CYFIP1: variants seen among roughly 807,000 people sequenced by gnomAD.
CYFIP1 encodes cytoplasmic FMR1-interacting protein 1.
In CYFIP1, 58 loss-of-function variants were observed where a neutral mutation model predicts 163.5. The observed-to-expected ratio is 0.35, with a 90% CI of 0.29 to 0.44. The LOEUF (loss-of-function observed/expected upper bound fraction) is 0.44. CYFIP1 is among the 20% of genes least tolerant of loss of function. The probability of loss-of-function intolerance (pLI) is 1.00; values close to 1 mark genes in which losing one functional copy is unlikely to be tolerated. For synonymous variants in CYFIP1, 663 were observed against 660.7 expected (o/e 1.00, Z -0.05); for missense variants, 1,338 against 1,653.8 (o/e 0.81, Z 3.31).
intron 1 of CYFIP1, among the ~76,000 whole-genome samples, chr15:22,964,012 G>A (rs1159203454): frequency 1.3e-5 from 2 of 151,716 alleles, no homozygotes; most frequent in African/African-American, 4.8e-5. Flanking sequence ...CAGAAACTAT[G>A]GATTCACATG....
intron 1 of CYFIP1, among the ~76,000 whole-genome samples, chr15:22,961,997 G>A (rs2062697275): frequency 6.6e-6 from 1 of 152,160 alleles, no homozygotes; most frequent in Non-Finnish European, 1.5e-5. Context: ...CCCAGGGAAG[G>A]AAGCAGTTTC....
chr15:22,975,985 T>C (rs1486288082), intron 1 of CYFIP1, among the ~76,000 whole-genome samples: 1 of 152,188 alleles, frequency 6.6e-6, no homozygotes, highest in Non-Finnish European at 1.5e-5. Context: ...AGAGAACTGA[T>C]GTCTTTACTA....
chr15:22,878,372 A>T (rs2059644680), intron 26 of CYFIP1, among the ~76,000 whole-genome samples: 1 of 152,172 alleles, frequency 6.6e-6, no homozygotes, highest in Non-Finnish European at 1.5e-5. Context: ...GCAGAAAGCC[A>T]GGAGACAGGC....
At chr15:22,906,832 G>A (rs980414957) in intron 21 of CYFIP1, among the ~76,000 whole-genome samples, 3 of 152,116 alleles carry the variant, frequency 2.0e-5, no homozygotes, top group Non-Finnish European at 2.9e-5. Context: ...TCCATGGTCC[G>A]TGGGTGTCTG....
intron 1 of CYFIP1, among the ~76,000 whole-genome samples, chr15:22,979,744 A>C (rs774521092): frequency 2.0e-5 from 3 of 152,178 alleles, no homozygotes; most frequent in Non-Finnish European, 4.4e-5. Context: ...AACAAAGCCC[A>C]AAACTCCTCT....
chr15:22,916,453 A>G, intron 16 of CYFIP1, 24 bp downstream of exon 16: 1 of 1,552,440 alleles, frequency 6.4e-7, no homozygotes, highest in South Asian at 1.1e-5. Context: ...GCCAGGCCGG[A>G]TGCTGCTCAG....
At chr15:22,967,147 G>A (rs2062939155) in intron 1 of CYFIP1, among the ~76,000 whole-genome samples, 1 of 152,162 alleles carries the variant, frequency 6.6e-6, no homozygotes, top group Non-Finnish European at 1.5e-5. Flanking sequence ...CATCGGTTGG[G>A]ACACGGGACA....
At position 22,951,421 on chromosome 15, in the gene CYFIP1, G is replaced by C. The variant is rs765981090; in HGVS notation, c.-6-4130C>G. The stretch of plus-strand genomic sequence containing the variant: ...GGGTCCAGCCCCAGCGCTGCCTGCA[G>C]AGCCAGCATGGGGGGCCTGCCCTTG... On this transcript the variant is annotated intron_variant, in intron 1 of 30. Transcript: ENST00000617928. 15 of 1,289,318 alleles carry C rather than the reference G, an allele frequency of 1.2e-5. No individual in the cohort carries two copies. The South Asian group carries it at 1.4e-4, about 12-fold the overall frequency. 79.9% of individuals were successfully genotyped at this position (1,289,318 alleles called of 1,614,324 possible).
At chr15:22,891,946 G>A (rs1376081338) in intron 23 of CYFIP1, among the ~76,000 whole-genome samples, 1 of 152,230 alleles carries the variant, frequency 6.6e-6, no homozygotes, top group Non-Finnish European at 1.5e-5. Flanking sequence ...CCAGGCATTG[G>A]GCAGATGGGG....
intron 15 of CYFIP1, chr15:22,916,957 T>C (rs1396229416): frequency 5.2e-6 from 8 of 1,551,596 alleles, no homozygotes; most frequent in Admixed American, 3.9e-5. Flanking sequence ...AGCCTCTCCA[T>C]GCCCAGAGAC....
intron 22 of CYFIP1, among the ~76,000 whole-genome samples, chr15:22,901,695 G>C (rs1019062875): frequency 6.6e-6 from 1 of 152,246 alleles, no homozygotes; most frequent in African/African-American, 2.4e-5. Flanking sequence ...AGTTAGGCCA[G>C]GCAACGAGCA....
At chr15:22,980,077 G>A (rs2063425981) in intron 1 of CYFIP1, among the ~76,000 whole-genome samples, 1 of 151,384 alleles carries the variant, frequency 6.6e-6, no homozygotes, top group South Asian at 2.1e-4. Context: ...TGGAGCCCGG[G>A]AGGCGCGGGA....
intron 22 of CYFIP1, among the ~76,000 whole-genome samples, chr15:22,896,415 C>T (rs1056843039): frequency 6.6e-6 from 1 of 152,018 alleles, no homozygotes; most frequent in Non-Finnish European, 1.5e-5. Flanking sequence ...ATTTTGAAAT[C>T]TTTTCTGCCC....
chr15:22,902,322 G>A (rs1033535712), intron 22 of CYFIP1, among the ~76,000 whole-genome samples: 2 of 152,192 alleles, frequency 1.3e-5, no homozygotes, highest in African/African-American at 4.8e-5. Context: ...CCCGGGGTGT[G>A]GGGAAGGAGG....
At chr15:22,879,018 C>A (rs1309547440) in intron 26 of CYFIP1, among the ~76,000 whole-genome samples, 1 of 151,970 alleles carries the variant, frequency 6.6e-6, no homozygotes, top group Non-Finnish European at 1.5e-5. Flanking sequence ...CGCCTGTAGT[C>A]CCAGCTACTT....
At chr15:22,940,049 G>A (rs1019875654) in intron 6 of CYFIP1, among the ~76,000 whole-genome samples, 1 of 152,184 alleles carries the variant, frequency 6.6e-6, no homozygotes, top group South Asian at 2.1e-4. Context: ...CCGTACGTGA[G>A]GCCCAACAAT....
At chr15:22,925,801 A>C (rs1046268906) in intron 13 of CYFIP1, among the ~76,000 whole-genome samples, 181 bp downstream of exon 13, 3 of 152,174 alleles carry the variant, frequency 2.0e-5, no homozygotes, top group Non-Finnish European at 4.4e-5. Context: ...GTGCAGACCC[A>C]GGACCGACAA....
upstream of CYFIP1, among the ~76,000 whole-genome samples, chr15:22,980,578 G>A (rs2063453071): frequency 6.6e-6 from 1 of 152,084 alleles, no homozygotes; most frequent in African/African-American, 2.4e-5. Context: ...CTGCCGGCCT[G>A]GGTCACCGCA....
At chr15:22,916,707 TG>T (rs1404921554) in intron 15 of CYFIP1, 77 bp from the exon 16 acceptor site, 1 of 1,613,922 alleles carries the variant, frequency 6.2e-7, no homozygotes, top group East Asian at 2.2e-5. Flanking sequence ...AAAAAGCCCA[TG>T]AGAGAAGGAC....
Sources: allele counts gnomAD v4.1 joint callset (sites outside exome capture counted in the v4.1 genomes callset), GRCh38; gene constraint gnomAD v4.1.1; transcripts MANE v1.5; gene names NCBI Gene and HGNC (gene_info 2026-07-23, HGNC 2026-07-21).